The following PACRG variants were observed in gnomAD, a reference collection of about 807,000 sequenced individuals.
PACRG encodes parkin coregulated gene protein.
A neutral mutation model predicts 29.7 loss-of-function variants in PACRG; 29 were observed. That is an observed-to-expected ratio of 0.98 (90% confidence interval 0.73 to 1.33). PACRG has a LOEUF of 1.33. Ranked by LOEUF, PACRG falls within the 40% of genes most tolerant of loss-of-function variation. The pLI, the probability that PACRG is intolerant of heterozygous loss-of-function variation, is 0.00. For missense variants in PACRG, 279 were observed against 316.2 expected (o/e 0.88, Z 0.89); for synonymous variants, 116 against 118.7 (o/e 0.98, Z 0.15).
chr6:163,075,703 A>G (rs759873806), intron 3 of PACRG, among the ~76,000 whole-genome samples: 10 of 152,240 alleles, frequency 6.6e-5, no homozygotes, highest in East Asian at 1.9e-4. Flanking sequence ...TCATTCATGT[A>G]TTTAAAACAA....
intron 4 of PACRG, chr6:163,165,870 CAG>C (rs1778780367): frequency 2.9e-6 from 1 of 349,628 alleles, no homozygotes; most frequent in Non-Finnish European, 5.6e-6. Flanking sequence ...AATGGGGCGA[CAG>C]GGGGAGAGAA....
At chr6:162,850,285 C>T (rs1035079507) in intron 2 of PACRG, among the ~76,000 whole-genome samples, 3 of 152,200 alleles carry the variant, frequency 2.0e-5, no homozygotes, top group African/African-American at 7.2e-5. Context: ...AGTAGGCATG[C>T]ATAGATTAAA....
intron 2 of PACRG, among the ~76,000 whole-genome samples, chr6:162,895,380 A>G (rs9364679): frequency 0.25 from 38,571 of 152,058 alleles, 5,990 homozygotes; most frequent in South Asian, 0.4. Context: ...ATAACTGTCT[A>G]TCTGTGATCT....
At chr6:163,195,248 G>A (rs1246646584) in intron 4 of PACRG, among the ~76,000 whole-genome samples, 2 of 152,210 alleles carry the variant, frequency 1.3e-5, no homozygotes, top group East Asian at 3.8e-4. Flanking sequence ...TCATTATCGT[G>A]AACCACTAAT....
chr6:163,045,782 C>T (rs1244551058), intron 2 of PACRG, among the ~76,000 whole-genome samples: 1 of 150,898 alleles, frequency 6.6e-6, no homozygotes. Flanking sequence ...GCTACCACGC[C>T]TTTTTGTATT....
intron 4 of PACRG, among the ~76,000 whole-genome samples, chr6:163,200,870 G>A (rs1397719982): frequency 2.0e-5 from 3 of 152,306 alleles, no homozygotes; most frequent in East Asian, 3.9e-4. Context: ...GCACGTCAGC[G>A]TGCTTGGGAA....
At position 163,055,905 on chromosome 6, in the gene PACRG, G is replaced by A. The variant is rs1041124904; in HGVS notation, c.292-6245G>A. On this transcript the variant is annotated intron_variant, in intron 2 of 4. Coordinates refer to ENST00000366888, the MANE Select transcript of PACRG (RefSeq NM_001080379.2). The surrounding 1 kb of genome is among the most constrained non-coding windows in gnomAD (Gnocchi z 4.0). ...TCTGTCTCTTGGATTTGTCTATTCC[G>A]AACGTTTCATAGAAATGGAATCGTA... Among the ~76,000 whole-genome samples, 5 of 152,090 alleles carry A rather than the reference G, an allele frequency of 3.3e-5. No individual in the cohort carries two copies. The highest frequency in any genetic ancestry group is 9.7e-5 in the African/African-American group (4 of 41,416).
chr6:163,251,721 C>A (rs1782912069), intron 4 of PACRG, among the ~76,000 whole-genome samples: 1 of 152,142 alleles, frequency 6.6e-6, no homozygotes, highest in Non-Finnish European at 1.5e-5. Context: ...TCATTATTGG[C>A]ATGCAATGTA....
chr6:163,294,045 C>T (rs1385482837), intron 4 of PACRG, among the ~76,000 whole-genome samples: 1 of 143,280 alleles, frequency 7.0e-6, no homozygotes, highest in African/African-American at 3.0e-5. Context: ...TATTTCTTTA[C>T]CCCCCAAAAA....
chr6:162,920,833 G>C (rs1797016882), intron 2 of PACRG, among the ~76,000 whole-genome samples: 1 of 152,064 alleles, frequency 6.6e-6, no homozygotes, highest in South Asian at 2.1e-4. Flanking sequence ...ATTAGTTCAT[G>C]TTTAAATTAG....
At chr6:163,202,124 G>A (rs1351363722) in intron 4 of PACRG, among the ~76,000 whole-genome samples, 1 of 152,182 alleles carries the variant, frequency 6.6e-6, no homozygotes, top group Non-Finnish European at 1.5e-5. Flanking sequence ...AGCAGGGGAA[G>A]CCGTCCTGTC....
intron 1 of PACRG, among the ~76,000 whole-genome samples, chr6:162,794,963 A>G (rs968350053): frequency 2.2e-4 from 34 of 152,168 alleles, no homozygotes; most frequent in Non-Finnish European, 4.6e-4. Context: ...ATTGTGGAAA[A>G]AAAGATCTGG....
At chr6:162,733,082 C>T (rs1779897816) in intron 1 of PACRG, among the ~76,000 whole-genome samples, 1 of 152,218 alleles carries the variant, frequency 6.6e-6, no homozygotes, top group Non-Finnish European at 1.5e-5. Flanking sequence ...TAACACATAT[C>T]TATTGATCAC....
chr6:163,146,536 A>G (rs1345297142), intron 4 of PACRG, among the ~76,000 whole-genome samples: 4 of 152,196 alleles, frequency 2.6e-5, no homozygotes, highest in African/African-American at 9.6e-5. Context: ...ACTTTTTTCT[A>G]GAAAATCCTG....
At position 162,889,442 on chromosome 6, in the gene PACRG, A is replaced by C. The variant is rs189511820; in HGVS notation, c.291+75161A>C. Reference sequence around the variant, plus strand: ...TTCTGAGTTGCTGCTTAGAGCAATAAAAATGTACTTTATAGCTTGTTAACC... The same window carrying C: ...TTCTGAGTTGCTGCTTAGAGCAATACAAATGTACTTTATAGCTTGTTAACC... On this transcript the variant is annotated intron_variant, in intron 2 of 4. Coordinates refer to ENST00000366888, the MANE Select transcript of PACRG (RefSeq NM_001080379.2). Among the ~76,000 whole-genome samples the C allele has an allele frequency of 1.6e-4, 24 of 152,360 alleles. No individual in the cohort carries two copies. The East Asian group carries it at 4.4e-3, about 28-fold the overall frequency.
At chr6:163,267,144 C>T (rs1017487640) in intron 4 of PACRG, among the ~76,000 whole-genome samples, 4 of 141,772 alleles carry the variant, frequency 2.8e-5, no homozygotes, top group Non-Finnish European at 6.4e-5. Flanking sequence ...AGCTTTCACA[C>T]TGGGAGAGGG....
intron 4 of PACRG, among the ~76,000 whole-genome samples, chr6:163,110,135 G>A (rs1037571676): frequency 1.3e-5 from 2 of 152,208 alleles, no homozygotes; most frequent in Non-Finnish European, 1.5e-5. Context: ...AACTGAGAAA[G>A]GGCAGAGGAA....
chr6:162,787,580 G>GTATCTATCTATA (rs746185048), intron 1 of PACRG, among the ~76,000 whole-genome samples: 2 of 69,178 alleles, frequency 2.9e-5, no homozygotes, highest in African/African-American at 5.9e-5. Flanking sequence ...GTGTGTGTGT[G>GTATCTATCTATA]TGTATATATA....
intron 2 of PACRG, among the ~76,000 whole-genome samples, chr6:162,930,164 T>C (rs1354176211): frequency 6.6e-6 from 1 of 152,014 alleles, no homozygotes; most frequent in Non-Finnish European, 1.5e-5. Flanking sequence ...AAAGATTGCA[T>C]TGAATTTGTA....
Sources: allele counts gnomAD v4.1 joint callset (sites outside exome capture counted in the v4.1 genomes callset), GRCh38; gene constraint gnomAD v4.1.1; non-coding constraint Gnocchi (gnomAD v3.1); transcripts MANE v1.5; gene names NCBI Gene and HGNC (gene_info 2026-07-23, HGNC 2026-07-21).